ZFYVE28: variants seen among roughly 807,000 people sequenced by gnomAD.
ZFYVE28 encodes the protein zinc finger FYVE-type containing 28.
Under a neutral mutation model 82.1 loss-of-function variants are expected in ZFYVE28, and 40 were observed. The ratio of observed to expected loss-of-function variants is 0.49; its 90% CI spans 0.38 to 0.63. ZFYVE28 has a LOEUF of 0.63. ZFYVE28 is among the 30% of genes least tolerant of loss of function. The pLI, the probability that ZFYVE28 is intolerant of heterozygous loss-of-function variation, is 0.00. For missense variants in ZFYVE28, 1,321 were observed against 1,242.1 expected (o/e 1.06, Z -0.96); for synonymous variants, 612 against 546.1 (o/e 1.12, Z -1.68).
chr4:2,405,393 A>G (rs1037843275), intron 1 of ZFYVE28, among the ~76,000 whole-genome samples: 1 of 152,222 alleles, frequency 6.6e-6, no homozygotes, highest in African/African-American at 2.4e-5. Flanking sequence ...GAGAAGACCA[A>G]TGGGACTTCC....
At chr4:2,343,034 T>C (rs1420703692) in intron 2 of ZFYVE28, 1 of 152,248 alleles carries the variant, frequency 6.6e-6, no homozygotes, top group Non-Finnish European at 1.5e-5. Flanking sequence ...CAATTTTTGA[T>C]GGATAGTGAC....
chr4:2,271,447 C>T (rs201862755), intron 11 of ZFYVE28, 33 bp from the exon 12 acceptor site: 57 of 1,603,578 alleles, frequency 3.6e-5, no homozygotes, highest in East Asian at 6.7e-5. Flanking sequence ...ACATCAGCGA[C>T]GGCAGGAGCA....
At chr4:2,359,692 G>A (rs1049178386) in intron 1 of ZFYVE28, among the ~76,000 whole-genome samples, 6 of 152,172 alleles carry the variant, frequency 3.9e-5, no homozygotes, top group Admixed American at 3.3e-4. Context: ...TCCGGCTACC[G>A]AGTCTGGAGT....
intron 8 of ZFYVE28, among the ~76,000 whole-genome samples, chr4:2,283,902 C>A (rs1471886457): frequency 6.6e-6 from 1 of 152,072 alleles, no homozygotes; most frequent in African/African-American, 2.4e-5. Context: ...TGTAGGGAAC[C>A]CCCTGGTGAT....
chr4:2,325,088 A>C (rs1312501686), intron 6 of ZFYVE28: 1 of 152,576 alleles, frequency 6.6e-6, no homozygotes, highest in Non-Finnish European at 1.5e-5. Context: ...CCTGATTGCT[A>C]AATATACTCT....
At chr4:2,353,824 A>G (rs1168336340) in intron 2 of ZFYVE28, 109 bp downstream of exon 2, 1 of 1,254,556 alleles carries the variant, frequency 8.0e-7, no homozygotes, top group African/African-American at 1.6e-5. Context: ...CGACCCTGAC[A>G]ACGCCACCAC....
Position 2,320,307 on chromosome 4 carries a change from C to A in ZFYVE28, c.702-36G>T, listed in dbSNP as rs753796988. 5 of 1,588,606 alleles carry A rather than the reference C, an allele frequency of 3.1e-6. No individual in the cohort carries two copies. The African/African-American group carries it at 6.8e-5, about 22-fold the overall frequency. On this transcript the variant is annotated intron_variant, in intron 6 of 12. Transcript: ENST00000290974. The surrounding 1 kb of genome is among the most constrained non-coding windows in gnomAD (Gnocchi z 5.1). ...GACACAAAAGCCAGGATGTCAGGCC[C>A]TGTGGCCCCCTGGGTGCCGCGGACG... is the stretch of plus-strand genomic sequence containing the variant.
chr4:2,391,759 T>C (rs3135087), intron 1 of ZFYVE28, among the ~76,000 whole-genome samples: 91,633 of 142,384 alleles, frequency 0.64, 30,130 homozygotes, highest in East Asian at 0.78. Context: ...TTTTTGTGAC[T>C]GAGTCTTGCT....
At chr4:2,354,201 C>A (rs1444404905) in intron 1 of ZFYVE28, 128 bp from the exon 2 acceptor site, 1 of 1,042,516 alleles carries the variant, frequency 9.6e-7, no homozygotes, top group Non-Finnish European at 1.3e-6. Flanking sequence ...GCAGCCGGCT[C>A]TTTTATCAGC....
chr4:2,276,256 TA>T (rs1736435542), intron 8 of ZFYVE28, among the ~76,000 whole-genome samples: 1 of 152,202 alleles, frequency 6.6e-6, no homozygotes, highest in Non-Finnish European at 1.5e-5. Flanking sequence ...GTAGGAGGCT[TA>T]GGGGGCCTGG....
chr4:2,298,359 G>C (rs1263538658), intron 8 of ZFYVE28, among the ~76,000 whole-genome samples: 1 of 152,184 alleles, frequency 6.6e-6, no homozygotes, highest in East Asian at 1.9e-4. Flanking sequence ...TTTTGCATAT[G>C]ACAAAACTGA....
chr4:2,289,176 G>A (rs779069166), intron 8 of ZFYVE28, among the ~76,000 whole-genome samples: 14 of 152,150 alleles, frequency 9.2e-5, no homozygotes, highest in Non-Finnish European at 1.5e-4. Flanking sequence ...CAGCTAGTCT[G>A]GTGGCTGAGG....
At position 2,304,843 on chromosome 4, in the gene ZFYVE28, C is replaced by T. The variant is rs1308965871; in HGVS notation, c.1497G>A (p.Glu499=). Residue 499 remains glutamate, a synonymous_variant, in exon 8 of 13, where the codon GAG becomes GAA. Coordinates refer to ENST00000290974, the MANE Select transcript of ZFYVE28 (RefSeq NM_020972.3). ...TCCGGTGGGCGATCATCTCAGCCGT[C>T]TCTGCGTCATCCGCACCCACCTCCC... ...DGWEVGADDA[E]TAEMIAHRTG... The T allele has an allele frequency of 3.7e-6, 6 of 1,612,478 alleles. No individual in the cohort carries two copies. In the African/African-American group the frequency reaches 8.0e-5, roughly 22 times the overall value.
intron 1 of ZFYVE28, among the ~76,000 whole-genome samples, chr4:2,355,292 T>G (rs1725149242): frequency 9.4e-6 from 1 of 106,768 alleles, no homozygotes; most frequent in African/African-American, 3.4e-5. Flanking sequence ...CTTTTTTTTT[T>G]TTTTTTTGAG....
intron 8 of ZFYVE28, among the ~76,000 whole-genome samples, chr4:2,284,154 G>A (rs1401767184): frequency 6.6e-6 from 1 of 152,242 alleles, no homozygotes; most frequent in South Asian, 2.1e-4. Context: ...TGGAGCATGT[G>A]GCCACACAAG....
intron 2 of ZFYVE28, chr4:2,342,883 T>C (rs1723018953): frequency 6.6e-6 from 1 of 152,246 alleles, no homozygotes; most frequent in Non-Finnish European, 1.5e-5. Flanking sequence ...TGGGGAAATA[T>C]GACCGCAGGT....
chr4:2,274,363 C>T (rs1320943837), intron 8 of ZFYVE28, 147 bp from the exon 9 acceptor site: 7 of 1,033,904 alleles, frequency 6.8e-6, no homozygotes, highest in African/African-American at 1.6e-5. Flanking sequence ...CACAACTTTC[C>T]TGTAACTTCA....
intron 8 of ZFYVE28, among the ~76,000 whole-genome samples, chr4:2,301,569 G>A (rs1258911282): frequency 2.0e-5 from 3 of 152,180 alleles, no homozygotes; most frequent in African/African-American, 7.2e-5. Context: ...GCGTTAAGAG[G>A]CTGTGTCCAT....
chr4:2,404,481 C>CA (rs1176779446), intron 1 of ZFYVE28, among the ~76,000 whole-genome samples: 1 of 67,430 alleles, frequency 1.5e-5, no homozygotes, highest in African/African-American at 5.8e-5. Flanking sequence ...GAATGGAAAA[C>CA]AAAAAGTGGT....
Sources: gnomAD v4.1 joint callset for allele counts (sites outside exome capture counted in the v4.1 genomes callset) on GRCh38, gnomAD v4.1.1 for gene constraint, Gnocchi (gnomAD v3.1) non-coding constraint, MANE v1.5 for transcripts, NCBI Gene and HGNC (gene_info 2026-07-23, HGNC 2026-07-21) for gene names.